Variants in PLCH1 observed in about 807,000 individuals in gnomAD.
The protein encoded by PLCH1 is phospholipase C eta 1.
PLCH1 carries 60 observed loss-of-function variants against 126.7 expected under a neutral mutation model. The observed-to-expected ratio is 0.47, with a 90% CI of 0.38 to 0.59. The LOEUF (loss-of-function observed/expected upper bound fraction) is 0.59. PLCH1 is among the 20% of genes least tolerant of loss of function. The probability of loss-of-function intolerance (pLI) is 0.00; values close to 1 mark genes in which losing one functional copy is unlikely to be tolerated. For missense variants in PLCH1, 1,723 were observed against 2,040.0 expected (o/e 0.84, Z 2.99); for synonymous variants, 719 against 734.9 (o/e 0.98, Z 0.35).
chr3:155,689,719 ACATAGT>A (rs1308278109), intron 2 of PLCH1, among the ~76,000 whole-genome samples: 1 of 152,042 alleles, frequency 6.6e-6, no homozygotes, highest in Non-Finnish European at 1.5e-5. Flanking sequence ...ATTTGAAAAC[ACATAGT>A]CAGAGGAGAA....
At chr3:155,588,239 T>C (rs1459586361) in intron 4 of PLCH1, among the ~76,000 whole-genome samples, 2 of 152,224 alleles carry the variant, frequency 1.3e-5, no homozygotes, top group Non-Finnish European at 2.9e-5. Flanking sequence ...AGCCCAGCTC[T>C]TTCTAGTTCA....
chr3:155,524,121 A>T (rs1721584312), intron 10 of PLCH1, 117 bp from the exon 11 acceptor site: 13 of 708,710 alleles, frequency 1.8e-5, no homozygotes, highest in Non-Finnish European at 3.2e-5. Context: ...GTGTATGTAC[A>T]TACAATGGAA....
chr3:155,737,535 T>C (rs1443366654), intron 1 of PLCH1, among the ~76,000 whole-genome samples: 1 of 152,008 alleles, frequency 6.6e-6, no homozygotes, highest in Non-Finnish European at 1.5e-5. Flanking sequence ...GAAAAGGTGG[T>C]TCCCCCTCAA....
In PLCH1 at chr3:155,611,504, G is replaced by C. The variant is rs554050908; in HGVS notation, c.80-15126C>G. Among the ~76,000 whole-genome samples the C allele has an allele frequency of 8.5e-5, 13 of 152,254 alleles. No homozygotes were observed. In the South Asian group the frequency reaches 2.7e-3, roughly 32 times the overall value. ...AAATATATATCTTCCTAAAACTGTAGCTCTCAAATTTATTAAACAATTACT... is the reference window on the plus strand; with the variant it reads ...AAATATATATCTTCCTAAAACTGTACCTCTCAAATTTATTAAACAATTACT... On this transcript the variant is annotated intron_variant, in intron 2 of 22. Transcript: ENST00000460012.
At chr3:155,549,984 A>T (rs759652588) in intron 9 of PLCH1, 26 bp from the exon 10 acceptor site, 1 of 1,593,134 alleles carries the variant, frequency 6.3e-7, no homozygotes, top group Non-Finnish European at 8.6e-7. Context: ...CACAGTCCAG[A>T]GGCGTCAGGT....
chr3:155,619,062 A>C (rs1424392405), intron 2 of PLCH1, among the ~76,000 whole-genome samples: 1 of 148,430 alleles, frequency 6.7e-6, no homozygotes, highest in East Asian at 2.0e-4. Flanking sequence ...CAAAAGCTCC[A>C]ATGAAGGCTT....
intron 2 of PLCH1, among the ~76,000 whole-genome samples, chr3:155,622,963 C>A (rs1489649751): frequency 6.6e-6 from 1 of 152,146 alleles, no homozygotes; most frequent in Non-Finnish European, 1.5e-5. Context: ...AATATATATT[C>A]TTCTCAGGAA....
At chr3:155,720,217 T>C (rs1276843527) in intron 1 of PLCH1, among the ~76,000 whole-genome samples, 2 of 152,242 alleles carry the variant, frequency 1.3e-5, no homozygotes, top group Non-Finnish European at 2.9e-5. Flanking sequence ...TGAATTCTTT[T>C]GCTCTGGGTT....
chr3:155,525,350 T>C (rs1390471602), intron 10 of PLCH1, among the ~76,000 whole-genome samples: 4 of 152,086 alleles, frequency 2.6e-5, no homozygotes, highest in African/African-American at 9.7e-5. Context: ...TCCAACGAGC[T>C]CCCTTGCCCC....
chr3:155,566,547 C>T (rs1458505833), intron 7 of PLCH1, among the ~76,000 whole-genome samples: 3 of 151,688 alleles, frequency 2.0e-5, no homozygotes, highest in East Asian at 1.9e-4. Flanking sequence ...TAGGTTATTA[C>T]GTTCATCTGA....
chr3:155,481,585 G>A lies in PLCH1; in HGVS notation c.4441C>T (p.Pro1481Ser). The A allele has an allele frequency of 1.9e-6, 3 of 1,614,134 alleles. No homozygotes were observed. The highest frequency in any genetic ancestry group is 2.5e-6 in the Non-Finnish European group (3 of 1,180,038). The stretch of plus-strand genomic sequence containing the variant: ...TCCCCCAGACTTTTGGATTTGCAAG[G>A]ACTAGGCAGTTTCAGAGCAGGCAAA... ...LPLPALKLPS[P>S]CKSKSLGDLT... is the part of the protein sequence containing the mutation. The change falls in exon 23 of 23, where the codon CCT becomes TCT. Residue 1481 changes from proline (P) to serine (S), a missense_variant. Coordinates refer to ENST00000460012, the MANE Select transcript of PLCH1 (RefSeq NM_014996.4). The surrounding 1 kb of genome is among the most constrained non-coding windows in gnomAD (Gnocchi z 4.2).
intron 8 of PLCH1, among the ~76,000 whole-genome samples, chr3:155,562,902 G>C (rs572483750): frequency 6.6e-6 from 1 of 152,062 alleles, no homozygotes; most frequent in South Asian, 2.1e-4. Flanking sequence ...GCAGAAAAAT[G>C]CCCAGTCACC....
chr3:155,616,357 A>C (rs1268559626), intron 2 of PLCH1, among the ~76,000 whole-genome samples: 2 of 152,194 alleles, frequency 1.3e-5, no homozygotes, highest in African/African-American at 2.4e-5. Flanking sequence ...ACAAAGAAAA[A>C]TTTGTGTGTG....
rs1016203563 is a variant in PLCH1 at position 155,641,170 on chromosome 3, A to G, written c.80-44792T>C. ...ATAGCCTCCGTGTCACCTGGAATACATGTTTAATACTGATTTTCAACGTTA... is the reference window on the plus strand; with the variant it reads ...ATAGCCTCCGTGTCACCTGGAATACGTGTTTAATACTGATTTTCAACGTTA... On this transcript the variant is annotated intron_variant, in intron 2 of 22. Transcript: ENST00000460012. Among the ~76,000 whole-genome samples, 8 of 151,782 alleles carry G rather than the reference A, an allele frequency of 5.3e-5. No individual in the cohort carries two copies. In the East Asian group the frequency reaches 9.6e-4, roughly 18 times the overall value.
chr3:155,496,117 T>C (rs1057069604), intron 15 of PLCH1, among the ~76,000 whole-genome samples: 2 of 152,182 alleles, frequency 1.3e-5, no homozygotes, highest in African/African-American at 4.8e-5. Context: ...TTGTATCACA[T>C]TAGGATAAGC....
intron 1 of PLCH1, among the ~76,000 whole-genome samples, chr3:155,715,058 G>A (rs1747407556): frequency 6.6e-6 from 1 of 152,004 alleles, no homozygotes; most frequent in South Asian, 2.1e-4. Flanking sequence ...GTCAGTTTTG[G>A]TAAGTTATAT....
intron 2 of PLCH1, among the ~76,000 whole-genome samples, chr3:155,612,612 C>T (rs9845615): frequency 0.49 from 73,768 of 151,664 alleles, 20,315 homozygotes; most frequent in African/African-American, 0.74. Context: ...TCAAGATTAA[C>T]CAAGAAAAAA....
At chr3:155,706,685 T>A (rs1746699772) in intron 1 of PLCH1, among the ~76,000 whole-genome samples, 1 of 152,006 alleles carries the variant, frequency 6.6e-6, no homozygotes, top group Admixed American at 6.6e-5. Flanking sequence ...AAATTCACCT[T>A]CCCTTGAGTA....
rs140986112 is a variant in PLCH1, at chr3:155,648,207, G to T, written c.80-51829C>A. Reference sequence around the variant, plus strand: ...AATTTAAATTCTTCACAGTCCCCAGGGAACAATAGTAGTAGTATTGGAGAT... The same window carrying T: ...AATTTAAATTCTTCACAGTCCCCAGTGAACAATAGTAGTAGTATTGGAGAT... On this transcript the variant is annotated intron_variant, in intron 2 of 22. Coordinates refer to ENST00000460012, the MANE Select transcript of PLCH1 (RefSeq NM_014996.4). 3.1e-3 allele frequency among the ~76,000 whole-genome samples: 470 copies of T among 152,194 alleles called. 2 individuals are homozygous for T. The highest frequency in any genetic ancestry group is 0.011 in the African/African-American group (439 of 41,512).
Sources: allele counts gnomAD v4.1 joint callset (sites outside exome capture counted in the v4.1 genomes callset), GRCh38; gene constraint gnomAD v4.1.1; non-coding constraint Gnocchi (gnomAD v3.1); transcripts MANE v1.5; gene names NCBI Gene and HGNC (gene_info 2026-07-23, HGNC 2026-07-21).